Variants in CYP3A5 observed in about 807,000 individuals in gnomAD.
The protein encoded by CYP3A5 is cytochrome P450 family 3 subfamily A member 5.
CYP3A5 carries 51 observed loss-of-function variants against 55.9 expected under a neutral mutation model. The ratio of observed to expected loss-of-function variants is 0.91; its 90% CI spans 0.73 to 1.15. CYP3A5 has a LOEUF of 1.15. Ranked by LOEUF, CYP3A5 falls within the 50% of genes most tolerant of loss-of-function variation. The probability of loss-of-function intolerance (pLI) is 0.00; values close to 1 mark genes in which losing one functional copy is unlikely to be tolerated. For missense variants in CYP3A5, 533 were observed against 596.6 expected, an observed-to-expected ratio of 0.89 and a Z score of 1.11; for synonymous variants, 196 against 213.9, an observed-to-expected ratio of 0.92 and a Z score of 0.73.
chr7:99,679,897 C>T lies in CYP3A5; in HGVS notation c.-1G>A, dbSNP rs143137902. 22 of 1,613,730 alleles carry T rather than the reference C, an allele frequency of 1.4e-5. No homozygotes were observed. The highest frequency in any genetic ancestry group is 1.8e-5 in the Non-Finnish European group (21 of 1,179,762). ...CCGCCAAATTTGGGATGAGGTCCATCGCCACTTTCCTTCTTCAACTGTGTT... is the reference window on the plus strand; with the variant it reads ...CCGCCAAATTTGGGATGAGGTCCATTGCCACTTTCCTTCTTCAACTGTGTT... On this transcript the variant is annotated 5_prime_UTR_variant, in exon 1 of 13. Coordinates refer to ENST00000222982, the MANE Select transcript of CYP3A5 (RefSeq NM_000777.5).
At chr7:99,664,818 A>G (rs1220224493) in intron 7 of CYP3A5, among the ~76,000 whole-genome samples, 1 of 152,236 alleles carries the variant, frequency 6.6e-6, no homozygotes, top group African/African-American at 2.4e-5. Context: ...AAAGAAAATA[A>G]CAGACTAAAA....
chr7:99,654,252 C>A (rs538507097), intron 10 of CYP3A5, among the ~76,000 whole-genome samples: 1 of 152,200 alleles, frequency 6.6e-6, no homozygotes, highest in East Asian at 1.9e-4. Context: ...CCAAAACAGG[C>A]CCCAGTGTGT....
chr7:99,676,360 A>G lies in CYP3A5; in HGVS notation c.72-152T>C, dbSNP rs111960361. ...AACTCCAACATCAGTAATTGCATTC[A>G]CTCATCAGGTCCTTTCCTGACTATT... is the stretch of plus-strand genomic sequence containing the variant. On this transcript the variant is annotated intron_variant, in intron 1 of 12. Transcript: ENST00000222982. 40 of 1,536,574 alleles carry G rather than the reference A, an allele frequency of 2.6e-5. No homozygotes were observed. The African/African-American group carries it at 4.5e-4, about 17-fold the overall frequency.
chr7:99,650,021 A>T, intron 12 of CYP3A5, 52 bp downstream of exon 12: 3 of 1,595,158 alleles, frequency 1.9e-6, no homozygotes, highest in Non-Finnish European at 2.6e-6. Context: ...TAAAAAATAT[A>T]TACCCTTCAG....
intron 4 of CYP3A5, 45 bp from the exon 5 acceptor site, chr7:99,667,110 T>G (rs1296042545): frequency 6.4e-7 from 1 of 1,550,708 alleles, no homozygotes; most frequent in African/African-American, 1.4e-5. Flanking sequence ...GTTGTGGTGA[T>G]CTTCATGGTT....
intron 10 of CYP3A5, among the ~76,000 whole-genome samples, chr7:99,654,910 C>A (rs1166572997): frequency 6.6e-6 from 1 of 152,204 alleles, no homozygotes. Context: ...ATCCTTCCCC[C>A]ACTTGTTGAT....
intron 6 of CYP3A5, among the ~76,000 whole-genome samples, chr7:99,665,542 C>CT (rs1810916642): frequency 6.6e-6 from 1 of 152,218 alleles, no homozygotes; most frequent in South Asian, 2.1e-4. Flanking sequence ...CTGAGTTAGA[C>CT]TCACCTCTGA....
At chr7:99,652,177 T>A (rs1354201854) in intron 11 of CYP3A5, 1 of 148,438 alleles carries the variant, frequency 6.7e-6, no homozygotes, top group Non-Finnish European at 1.5e-5. Context: ...ATATATATAT[T>A]TATATATATA....
intron 4 of CYP3A5, chr7:99,671,269 T>C (rs1811600090): frequency 2.0e-5 from 3 of 152,910 alleles, no homozygotes; most frequent in South Asian, 4.1e-4. Context: ...GCAGGTTTGT[T>C]TGTAGACACT....
At chr7:99,669,396 A>G (rs1201792209) in intron 4 of CYP3A5, among the ~76,000 whole-genome samples, 1 of 152,252 alleles carries the variant, frequency 6.6e-6, no homozygotes, top group Non-Finnish European at 1.5e-5. Context: ...CTCGGACTCA[A>G]TCGTAAGGTA....
At chr7:99,649,048 G>A (rs1808896879) in intron 12 of CYP3A5, among the ~76,000 whole-genome samples, 1 of 152,168 alleles carries the variant, frequency 6.6e-6, no homozygotes, top group Non-Finnish European at 1.5e-5. Context: ...CACTGTTGGG[G>A]GAGCCACCAA....
chr7:99,656,262 C>A (rs1019450510), intron 10 of CYP3A5, among the ~76,000 whole-genome samples: 1 of 152,140 alleles, frequency 6.6e-6, no homozygotes, highest in Admixed American at 6.5e-5. Flanking sequence ...TCCATCAATA[C>A]CTAATTTATT....
rs2151364038 is a variant in CYP3A5 at position 99,652,554 on chromosome 7, T to C, written c.1252A>G (p.Arg418Gly). 1.2e-6 allele frequency: 2 copies of C among 1,602,588 alleles called. No individual in the cohort carries two copies. Among genetic ancestry groups the C allele is most frequent in the East Asian group, 2.2e-5 (1 of 44,770 alleles). ...CTCCATTTCCCTGGAGACTTGTACCTTTCAGGGCGGAACTCCTCAGGCTCT... is the reference window on the plus strand; with the variant it reads ...CTCCATTTCCCTGGAGACTTGTACCCTTCAGGGCGGAACTCCTCAGGCTCT... ...WTEPEEFRPE[R>G]FSKKKDSIDP... Residue 418 changes from arginine (R) to glycine (G), a missense_variant and splice_region_variant, in exon 11 of 13, where the codon AGG becomes GGG. Transcript: ENST00000222982.
intron 7 of CYP3A5, 125 bp downstream of exon 7, chr7:99,665,041 A>G (rs2151420126): frequency 1.1e-6 from 1 of 936,902 alleles, no homozygotes; most frequent in East Asian, 2.7e-5. Flanking sequence ...GGTCATACAT[A>G]TTTTTGATTA....
In CYP3A5 at chr7:99,666,935, T is replaced by TC; in HGVS notation, c.432+16dup. On this transcript the variant is annotated intron_variant, in intron 5 of 12. Coordinates refer to ENST00000222982, the MANE Select transcript of CYP3A5 (RefSeq NM_000777.5). ...CATTCTTTACATTTCTAATTAAGAC[T>TC]CATCTTATTTTCATACCTCCTTGAG... 1 of 1,610,400 alleles carries TC rather than the reference T, an allele frequency of 6.2e-7. No homozygotes were observed. Among genetic ancestry groups the TC allele is most frequent in the Non-Finnish European group, 8.5e-7 (1 of 1,177,056 alleles).
chr7:99,673,229 C>T (rs1228971527), intron 3 of CYP3A5, among the ~76,000 whole-genome samples: 2 of 152,142 alleles, frequency 1.3e-5, no homozygotes, highest in African/African-American at 4.8e-5. Context: ...ACTCCACAGT[C>T]AGCGCTGTGG....
At chr7:99,670,547 G>A (rs1225670124) in intron 4 of CYP3A5, among the ~76,000 whole-genome samples, 1 of 152,030 alleles carries the variant, frequency 6.6e-6, no homozygotes, top group Non-Finnish European at 1.5e-5. Context: ...ATTTTCAGTC[G>A]ACATATATAT....
rs1810558090 is a variant in CYP3A5, at chr7:99,662,528, G to A, written c.865+288C>T. On this transcript the variant is annotated intron_variant, in intron 9 of 12. Coordinates refer to ENST00000222982, the MANE Select transcript of CYP3A5 (RefSeq NM_000777.5). This position sits in a 1 kb window ranked among gnomAD's most constrained non-coding sequence, Gnocchi z 4.3. ...TAGAGGTTCTCACTTGGTGGATCTG[G>A]AGGAGGCTGAGAACTGGCATTTGAT... 6.6e-6 allele frequency among the ~76,000 whole-genome samples: 1 copy of A among 152,178 alleles called. No individual in the cohort carries two copies. The highest frequency in any genetic ancestry group is 1.5e-5 in the Non-Finnish European group (1 of 68,040).
chr7:99,667,336 C>T (rs1811133638), intron 4 of CYP3A5, among the ~76,000 whole-genome samples: 1 of 152,166 alleles, frequency 6.6e-6, no homozygotes, highest in Admixed American at 6.5e-5. Flanking sequence ...AAATGCTCCA[C>T]GTGGTAGGGA....
Sources: gnomAD v4.1 joint callset for allele counts (sites outside exome capture counted in the v4.1 genomes callset) on GRCh38, gnomAD v4.1.1 for gene constraint, Gnocchi (gnomAD v3.1) non-coding constraint, MANE v1.5 for transcripts, NCBI Gene and HGNC (gene_info 2026-07-23, HGNC 2026-07-21) for gene names.